GAPVD1: variants seen among roughly 807,000 people sequenced by gnomAD.
GAPVD1 encodes the protein GTPase-activating protein and VPS9 domain-containing protein 1.
GAPVD1 carries 35 observed loss-of-function variants against 155.5 expected under a neutral mutation model. The ratio of observed to expected loss-of-function variants is 0.23; its 90% CI spans 0.17 to 0.30. The LOEUF is 0.30. Among genes scored for constraint, GAPVD1 ranks in the 10% least tolerant of loss-of-function variants. The pLI is 1.00. For missense variants in GAPVD1, 1,429 were observed against 1,775.7 expected, an observed-to-expected ratio of 0.80 and a Z score of 3.51; for synonymous variants, 636 against 619.7, an observed-to-expected ratio of 1.03 and a Z score of -0.39.
Position 125,321,472 on chromosome 9 carries a change from G to A in GAPVD1, c.1642G>A (p.Val548Ile). ...GCTTTCGGATGGAGGACAAGGAGAT[G>A]TCCCTGTTGATGAAAACAAACTCCA... Reference protein sequence around the residue: ...MQLSDGGQGDVPVDENKLHGK... With the variant: ...MQLSDGGQGDIPVDENKLHGK... The change falls in exon 10 of 28, where the codon GTC becomes ATC. Residue 548 changes from valine to isoleucine, a missense_variant. Transcript: ENST00000297933. The A allele has an allele frequency of 6.2e-7, 1 of 1,611,006 alleles. No homozygotes were observed. The highest frequency in any genetic ancestry group is 1.7e-4 in the Middle Eastern group (1 of 6,054).
chr9:125,281,292 GTTTAA>G (rs1836750068), intron 2 of GAPVD1, among the ~76,000 whole-genome samples: 1 of 152,036 alleles, frequency 6.6e-6, no homozygotes, highest in African/African-American at 2.4e-5. Context: ...TATATTATTT[GTTTAA>G]TTTAAAAGGT....
intron 2 of GAPVD1, among the ~76,000 whole-genome samples, chr9:125,272,032 C>CT (rs1358726675): frequency 2.6e-5 from 4 of 151,298 alleles, no homozygotes; most frequent in South Asian, 2.1e-4. Context: ...TACATTAATT[C>CT]TTTTTTTTTG....
chr9:125,264,220 A>C (rs946665913), intron 1 of GAPVD1: 1 of 595,834 alleles, frequency 1.7e-6, no homozygotes, highest in Non-Finnish European at 3.0e-6. Flanking sequence ...TTTGAGACGG[A>C]GTCTGGCTCT....
intron 11 of GAPVD1, 109 bp downstream of exon 11, chr9:125,324,032 C>T (rs1844779318): frequency 1.2e-6 from 1 of 849,142 alleles, no homozygotes; most frequent in Non-Finnish European, 1.9e-6. Flanking sequence ...GATTAAATCA[C>T]CATTAAACTT....
intron 12 of GAPVD1, among the ~76,000 whole-genome samples, chr9:125,327,685 G>T (rs550719693): frequency 6.6e-6 from 1 of 152,026 alleles, no homozygotes; most frequent in South Asian, 2.1e-4. Flanking sequence ...TGTATTTTTA[G>T]TAGAGACGGG....
intron 9 of GAPVD1, among the ~76,000 whole-genome samples, chr9:125,317,232 C>T (rs905421200): frequency 4.6e-5 from 7 of 151,570 alleles, no homozygotes; most frequent in Non-Finnish European, 7.4e-5. Flanking sequence ...GCAGGAGAAT[C>T]GCTTGAACCT....
At chr9:125,312,186 T>G (rs1842763611) in intron 8 of GAPVD1, among the ~76,000 whole-genome samples, 2 of 152,242 alleles carry the variant, frequency 1.3e-5, no homozygotes, top group Non-Finnish European at 2.9e-5. Context: ...TCTGCAGATG[T>G]GATCATCTGT....
intron 2 of GAPVD1, among the ~76,000 whole-genome samples, chr9:125,281,932 C>G (rs1836854960): frequency 1.3e-5 from 2 of 152,014 alleles, no homozygotes; most frequent in Non-Finnish European, 1.5e-5. Flanking sequence ...ATTCTTCTGC[C>G]TCAGCCTCCC....
chr9:125,291,163 C>T (rs1322167487), intron 2 of GAPVD1, among the ~76,000 whole-genome samples: 3 of 151,976 alleles, frequency 2.0e-5, no homozygotes, highest in Non-Finnish European at 4.4e-5. Context: ...ATGGCACACA[C>T]CTGTAGTCCC....
intron 2 of GAPVD1, among the ~76,000 whole-genome samples, chr9:125,287,571 G>C (rs760111550): frequency 1.2e-4 from 18 of 152,228 alleles, no homozygotes; most frequent in Non-Finnish European, 1.8e-4. Flanking sequence ...GTTTATGTAG[G>C]GAAATAGCAT....
At chr9:125,322,342 G>A (rs1844450800) in intron 10 of GAPVD1, among the ~76,000 whole-genome samples, 2 of 152,094 alleles carry the variant, frequency 1.3e-5, no homozygotes, top group Non-Finnish European at 2.9e-5. Context: ...GGGATTACAG[G>A]CGTGAGCCAC....
chr9:125,299,648 C>CT (rs1195066426), intron 4 of GAPVD1, among the ~76,000 whole-genome samples: 1 of 150,974 alleles, frequency 6.6e-6, no homozygotes, highest in Non-Finnish European at 1.5e-5. Context: ...GAGCGAGACT[C>CT]TGTCTCCTCA....
At chr9:125,319,601 C>CTTTT (rs777202943) in intron 9 of GAPVD1, among the ~76,000 whole-genome samples, 5 of 121,510 alleles carry the variant, frequency 4.1e-5, no homozygotes, top group Non-Finnish European at 7.0e-5. Context: ...GAAAAAAAAA[C>CTTTT]TTTTTTTTTT....
intron 1 of GAPVD1, chr9:125,263,836 A>T: frequency 8.5e-7 from 1 of 1,171,514 alleles, no homozygotes; most frequent in Non-Finnish European, 1.3e-6. Context: ...GGTAGCAGGT[A>T]CAGTCTCCGG....
At chr9:125,348,015 TAGAG>T in intron 20 of GAPVD1, among the ~76,000 whole-genome samples, 1 of 152,028 alleles carries the variant, frequency 6.6e-6, no homozygotes, top group African/African-American at 2.4e-5. Flanking sequence ...CCGCCATATA[TAGAG>T]AGTGTGTGTG....
At chr9:125,303,058 T>C (rs574574202) in intron 5 of GAPVD1, among the ~76,000 whole-genome samples, 28 of 152,244 alleles carry the variant, frequency 1.8e-4, no homozygotes, top group Non-Finnish European at 2.8e-4. Flanking sequence ...AGGGTCTCAC[T>C]CTGTTGCCCA....
chr9:125,362,055 A>T (rs1330049528), intron 27 of GAPVD1, among the ~76,000 whole-genome samples: 43 of 152,104 alleles, frequency 2.8e-4, no homozygotes, highest in Admixed American at 2.8e-3. Context: ...TCCTGTGTAG[A>T]GCCAGTTTAA....
chr9:125,345,221 C>T (rs981758427), intron 19 of GAPVD1, among the ~76,000 whole-genome samples: 1 of 151,270 alleles, frequency 6.6e-6, no homozygotes, highest in African/African-American at 2.4e-5. Flanking sequence ...TGCCCTGCTG[C>T]CCAGGATGGA....
At chr9:125,339,286 C>T (rs901776521) in intron 17 of GAPVD1, among the ~76,000 whole-genome samples, 7 of 152,062 alleles carry the variant, frequency 4.6e-5, no homozygotes, top group African/African-American at 1.7e-4. Context: ...ACCCACAGTG[C>T]CTGGCCCAGT....
Sources: allele counts gnomAD v4.1 joint callset (sites outside exome capture counted in the v4.1 genomes callset), GRCh38; gene constraint gnomAD v4.1.1; transcripts MANE v1.5; gene names NCBI Gene and HGNC (gene_info 2026-07-23, HGNC 2026-07-21).